The following PDLIM5 variants were observed in gnomAD, a reference collection of about 807,000 sequenced individuals.
PDLIM5 encodes the protein PDZ and LIM domain 5, also known as PDZ and LIM domain protein 5.
Under a neutral mutation model 64.2 loss-of-function variants are expected in PDLIM5, and 34 were observed. The observed-to-expected ratio is 0.53, with a 90% CI of 0.40 to 0.71. The LOEUF (loss-of-function observed/expected upper bound fraction) is 0.71. Among genes scored for constraint, PDLIM5 ranks in the 30% least tolerant of loss-of-function variants. The pLI is 0.00. For synonymous variants in PDLIM5, 253 were observed against 269.1 expected, an observed-to-expected ratio of 0.94 and a Z score of 0.59; for missense variants, 683 against 733.6, an observed-to-expected ratio of 0.93 and a Z score of 0.80.
intron 8 of PDLIM5, among the ~76,000 whole-genome samples, chr4:94,622,965 G>A (rs960572861): frequency 4.6e-5 from 7 of 151,802 alleles, no homozygotes; most frequent in South Asian, 2.1e-4. Flanking sequence ...CACCACGCCC[G>A]GCCTCCATTT....
intron 4 of PDLIM5, among the ~76,000 whole-genome samples, chr4:94,574,343 C>T (rs898800119): frequency 2.0e-5 from 3 of 151,848 alleles, no homozygotes; most frequent in African/African-American, 7.3e-5. Context: ...ATTGAAAATA[C>T]AAAAATTAGC....
intron 3 of PDLIM5, among the ~76,000 whole-genome samples, chr4:94,564,657 T>TC (rs1734142880): frequency 1.3e-4 from 5 of 38,970 alleles, no homozygotes; most frequent in African/African-American, 1.2e-3. Context: ...ATTTTGTCTC[T>TC]TTTTTTTTTT....
intron 3 of PDLIM5, among the ~76,000 whole-genome samples, chr4:94,528,079 T>C (rs937797335): frequency 6.6e-6 from 1 of 152,170 alleles, no homozygotes; most frequent in Non-Finnish European, 1.5e-5. Context: ...CCTCTCCAGA[T>C]CACCACCACT....
chr4:94,490,946 A>G (rs1233812423), intron 2 of PDLIM5, among the ~76,000 whole-genome samples: 2 of 152,180 alleles, frequency 1.3e-5, no homozygotes, highest in African/African-American at 4.8e-5. Context: ...GTACTATAAT[A>G]TAAAATGACT....
chr4:94,626,125 A>G (rs1000810483), intron 8 of PDLIM5, among the ~76,000 whole-genome samples: 5 of 152,208 alleles, frequency 3.3e-5, no homozygotes, highest in Non-Finnish European at 5.9e-5. Context: ...CAAAATGAAT[A>G]GTTAATTTTT....
At chr4:94,465,155 A>G (rs1202748794) in intron 2 of PDLIM5, among the ~76,000 whole-genome samples, 2 of 152,080 alleles carry the variant, frequency 1.3e-5, no homozygotes, top group East Asian at 1.9e-4. Flanking sequence ...GTTTATTCTT[A>G]TCATCCCTAA....
intron 8 of PDLIM5, among the ~76,000 whole-genome samples, chr4:94,627,521 G>A (rs1739796500): frequency 6.6e-6 from 1 of 152,134 alleles, no homozygotes; most frequent in Admixed American, 6.5e-5. Flanking sequence ...GATGCATATG[G>A]TTTAAACCAA....
chr4:94,552,156 A>G (rs1307417968), intron 3 of PDLIM5, among the ~76,000 whole-genome samples: 1 of 140,162 alleles, frequency 7.1e-6, no homozygotes, highest in Non-Finnish European at 1.6e-5. Context: ...GTTGTAAAAC[A>G]AAGACTTTGA....
At chr4:94,621,003 G>A (rs942450293) in intron 8 of PDLIM5, among the ~76,000 whole-genome samples, 2 of 135,890 alleles carry the variant, frequency 1.5e-5, no homozygotes, top group Non-Finnish European at 3.0e-5. Flanking sequence ...CCCAGGAGGC[G>A]AAGGTTGCAG....
chr4:94,637,673 A>G (rs191408396), intron 8 of PDLIM5, among the ~76,000 whole-genome samples: 2 of 152,336 alleles, frequency 1.3e-5, no homozygotes, highest in Admixed American at 6.5e-5. Context: ...AACAGAAAGG[A>G]TAAGGTTTTA....
intron 9 of PDLIM5, among the ~76,000 whole-genome samples, chr4:94,653,369 G>A (rs1425930735): frequency 6.6e-6 from 1 of 152,116 alleles, no homozygotes; most frequent in African/African-American, 2.4e-5. Context: ...AAGTGCCTTG[G>A]AGGTAAAGCT....
rs1023293699 is a variant in PDLIM5, at chr4:94,587,839, A to T, written c.920+1395A>T. 1.1e-5 allele frequency: 9 copies of T among 831,840 alleles called. No homozygotes were observed. In the East Asian group the frequency reaches 9.9e-4, roughly 92 times the overall value. The allele number at this position is 831,840 out of a possible 1,614,324, so 51.5% of individuals were successfully genotyped here. A position where few individuals can be genotyped will look rare whatever the true frequency, so the allele number is the denominator to read the frequency against. On this transcript the variant is annotated intron_variant, in intron 7 of 12. Coordinates refer to ENST00000317968, the MANE Select transcript of PDLIM5 (RefSeq NM_006457.5). ...ATAGACAATTTCTAGGTATTAACTAATAAGATATGGAAAAGATAGCTTTGC... is the reference window on the plus strand; with the variant it reads ...ATAGACAATTTCTAGGTATTAACTATTAAGATATGGAAAAGATAGCTTTGC...
chr4:94,575,468 C>T (rs889346373), intron 4 of PDLIM5, 148 bp from the exon 5 acceptor site: 1 of 592,420 alleles, frequency 1.7e-6, no homozygotes, highest in Non-Finnish European at 3.0e-6. Flanking sequence ...CTTTATCAGC[C>T]CATTGTTTTT....
chr4:94,535,506 C>G (rs955574672), intron 3 of PDLIM5, among the ~76,000 whole-genome samples: 3 of 152,140 alleles, frequency 2.0e-5, no homozygotes, highest in Non-Finnish European at 4.4e-5. Context: ...ACCATTCACC[C>G]CATTATCCAG....
intron 2 of PDLIM5, among the ~76,000 whole-genome samples, chr4:94,513,626 T>G (rs1209415604): frequency 6.6e-6 from 1 of 152,184 alleles, no homozygotes; most frequent in African/African-American, 2.4e-5. Flanking sequence ...GTGTGTGTAT[T>G]CTTCAGGTTT....
intron 9 of PDLIM5, among the ~76,000 whole-genome samples, chr4:94,652,858 A>G (rs1051676422): frequency 6.6e-6 from 1 of 152,064 alleles, no homozygotes; most frequent in Non-Finnish European, 1.5e-5. Context: ...ACCCTCTTAC[A>G]CCCCACGTAA....
In PDLIM5 at chr4:94,586,447, A is replaced by C. The variant is rs1345367501; in HGVS notation, c.920+3A>C. The C allele has an allele frequency of 4.0e-6, 6 of 1,503,230 alleles. No homozygotes were observed. Among genetic ancestry groups the C allele is most frequent in the Non-Finnish European group, 5.5e-6 (6 of 1,084,208 alleles). 93.1% of individuals were successfully genotyped at this position (1,503,230 alleles called of 1,614,324 possible). Reference sequence around the variant, plus strand: ...GCCGATAATACAAAGAAGGCAAAGTAAGTTCTCTATCTTTTTGACAATTGA... The same window carrying C: ...GCCGATAATACAAAGAAGGCAAAGTCAGTTCTCTATCTTTTTGACAATTGA... On this transcript the variant is annotated splice_donor_region_variant and intron_variant, in intron 7 of 12. Coordinates refer to ENST00000317968, the MANE Select transcript of PDLIM5 (RefSeq NM_006457.5).
Position 94,618,128 on chromosome 4 carries a change from T to G in PDLIM5, c.1045T>G (p.Phe349Val), listed in dbSNP as rs1560744090. Residue 349 changes from phenylalanine (F) to valine (V), a missense_variant, in exon 8 of 13, where the codon TTC (phenylalanine) becomes GTC (valine). By Grantham distance (50) the Phe-to-Val change is conservative. Transcript: ENST00000317968. ...GVTSLTAAAAFKPVGSTGVIK... is the reference protein window; with the variant it reads ...GVTSLTAAAAVKPVGSTGVIK... ...TACCAGCCTCACAGCTGCAGCTGCC[T>G]TCAAGCCTGTAGGATCCACTGGCGT... 1 of 1,612,232 alleles carries G rather than the reference T, an allele frequency of 6.2e-7. No individual in the cohort carries two copies.
intron 9 of PDLIM5, among the ~76,000 whole-genome samples, chr4:94,646,017 A>G (rs1741384697): frequency 6.6e-6 from 1 of 152,226 alleles, no homozygotes; most frequent in South Asian, 2.1e-4. Flanking sequence ...ACTCATGTAG[A>G]TTACTTGGGG....
Sources: gnomAD v4.1 joint callset for allele counts (sites outside exome capture counted in the v4.1 genomes callset) on GRCh38, gnomAD v4.1.1 for gene constraint, MANE v1.5 for transcripts, NCBI Gene and HGNC (gene_info 2026-07-23, HGNC 2026-07-21) for gene names.